The following TP63 variants were observed in gnomAD, a reference collection of about 807,000 sequenced individuals.
The protein encoded by TP63 is tumor protein 63.
TP63 carries 17 observed loss-of-function variants against 82.8 expected under a neutral mutation model. That is an observed-to-expected ratio of 0.21 (90% confidence interval 0.14 to 0.31). TP63 has a LOEUF of 0.31. Ranked by LOEUF, TP63 falls within the 10% of genes least tolerant of loss-of-function variation. TP63 has a pLI of 1.00. For synonymous variants in TP63, 330 were observed against 321.7 expected (o/e 1.03, Z -0.28); for missense variants, 648 against 895.3 (o/e 0.72, Z 3.52).
chr3:189,739,823 G>A (rs1245074008), intron 3 of TP63, among the ~76,000 whole-genome samples: 8 of 147,856 alleles, frequency 5.4e-5, no homozygotes, highest in Non-Finnish European at 3.0e-5. Context: ...TACGGCACAA[G>A]TCCTGCTATC....
At chr3:189,710,041 C>A (rs999321719) in intron 1 of TP63, among the ~76,000 whole-genome samples, 1 of 152,022 alleles carries the variant, frequency 6.6e-6, no homozygotes, top group African/African-American at 2.4e-5. Flanking sequence ...TGTGTAATGT[C>A]AAGTACTTAT....
intron 3 of TP63, among the ~76,000 whole-genome samples, chr3:189,755,267 AG>A (rs773018452): frequency 6.6e-6 from 1 of 152,164 alleles, no homozygotes; most frequent in Non-Finnish European, 1.5e-5. Flanking sequence ...TCTGTGAGGA[AG>A]GTAAATATGT....
the TP63 span, among the ~76,000 whole-genome samples, chr3:189,625,278 A>G: frequency 2.0e-5 from 3 of 152,168 alleles, no homozygotes; most frequent in Non-Finnish European, 4.4e-5. Flanking sequence ...AAAGAGAGCA[A>G]TTCCTGATAT....
chr3:189,733,335 A>C (rs1027004519), intron 1 of TP63, among the ~76,000 whole-genome samples: 1 of 152,150 alleles, frequency 6.6e-6, no homozygotes, highest in Non-Finnish European at 1.5e-5. Context: ...CTTGGTCTTT[A>C]TTATTGAAGA....
rs536262441 is a variant in TP63 at position 189,793,583 on chromosome 3, T to A, written c.325-14689T>A. ...TACCACAAATACACCCTGGTTTTCT[T>A]TGATGTGCATATGATTGCTCTGGGT... On this transcript the variant is annotated intron_variant, in intron 3 of 13. Transcript: ENST00000264731. Among the ~76,000 whole-genome samples, 21 of 152,046 alleles carry A rather than the reference T, an allele frequency of 1.4e-4. 1 individual carries two copies. Among genetic ancestry groups the A allele is most frequent in the Non-Finnish European group, 2.5e-4 (17 of 67,988 alleles).
chr3:189,631,178 A>T, upstream of TP63: 3 of 930,818 alleles, frequency 3.2e-6, no homozygotes, highest in Non-Finnish European at 3.8e-6. Flanking sequence ...AGATGCCTCC[A>T]GCTCCAAATT....
intron 1 of TP63, among the ~76,000 whole-genome samples, chr3:189,701,775 C>T (rs1717829971): frequency 6.6e-6 from 1 of 151,872 alleles, no homozygotes; most frequent in Admixed American, 6.6e-5. Context: ...GGATTGATTC[C>T]TCACTGTCTC....
At chr3:189,804,010 G>A (rs1406303637) in intron 3 of TP63, among the ~76,000 whole-genome samples, 2 of 152,144 alleles carry the variant, frequency 1.3e-5, no homozygotes, top group Admixed American at 1.3e-4. Flanking sequence ...TTTAGAAAGG[G>A]AGAACCTGCT....
At chr3:189,651,808 G>A (rs1427131785) in intron 1 of TP63, among the ~76,000 whole-genome samples, 1 of 146,890 alleles carries the variant, frequency 6.8e-6, no homozygotes, top group Non-Finnish European at 1.5e-5. Flanking sequence ...ATGGTGCTCT[G>A]CGTCCCAGAT....
the TP63 span, among the ~76,000 whole-genome samples, chr3:189,601,244 C>G: frequency 6.6e-6 from 1 of 152,130 alleles, no homozygotes; most frequent in Non-Finnish European, 1.5e-5. Context: ...GGAGAGGGAA[C>G]TTTAAAGCTT....
At chr3:189,857,355 C>G (rs997368137) in intron 4 of TP63, among the ~76,000 whole-genome samples, 1 of 152,138 alleles carries the variant, frequency 6.6e-6, no homozygotes, top group African/African-American at 2.4e-5. Flanking sequence ...AAACCCTTAA[C>G]TCACACCATA....
chr3:189,827,201 C>A (rs140299472), intron 4 of TP63, among the ~76,000 whole-genome samples: 1 of 152,190 alleles, frequency 6.6e-6, no homozygotes, highest in African/African-American at 2.4e-5. Context: ...AACTGATAAA[C>A]CTAGTTGTAA....
chr3:189,763,287 TA>T (rs1357914530), intron 3 of TP63, among the ~76,000 whole-genome samples: 4 of 151,982 alleles, frequency 2.6e-5, no homozygotes, highest in Admixed American at 2.6e-4. Flanking sequence ...AAAATAATAA[TA>T]AAAAAGGAGG....
intron 10 of TP63, among the ~76,000 whole-genome samples, chr3:189,878,458 G>A (rs1013062342): frequency 6.9e-6 from 1 of 144,114 alleles, no homozygotes; most frequent in Non-Finnish European, 1.5e-5. Context: ...GCATGATCTC[G>A]GCTCACTGAA....
At chr3:189,761,741 A>G (rs970519454) in intron 3 of TP63, among the ~76,000 whole-genome samples, 3 of 152,240 alleles carry the variant, frequency 2.0e-5, no homozygotes, top group African/African-American at 4.8e-5. Context: ...TACACTACTG[A>G]TATAGACATA....
At chr3:189,721,355 A>G (rs1719377956) in intron 1 of TP63, among the ~76,000 whole-genome samples, 1 of 152,216 alleles carries the variant, frequency 6.6e-6, no homozygotes, top group African/African-American at 2.4e-5. Flanking sequence ...TTTTCTAGTA[A>G]TACAATAACC....
chr3:189,685,188 A>G (rs935787106), intron 1 of TP63, among the ~76,000 whole-genome samples: 1 of 152,200 alleles, frequency 6.6e-6, no homozygotes, highest in Admixed American at 6.5e-5. Context: ...AAGTACTTCA[A>G]AAAGGAGGAG....
intron 1 of TP63, among the ~76,000 whole-genome samples, chr3:189,726,832 A>G (rs950192802): frequency 6.6e-6 from 1 of 152,230 alleles, no homozygotes; most frequent in Non-Finnish European, 1.5e-5. Flanking sequence ...TCAAACTGCA[A>G]TTTATTTTAA....
At chr3:189,760,261 CAGTCT>C (rs1249935591) in intron 3 of TP63, among the ~76,000 whole-genome samples, 1 of 152,196 alleles carries the variant, frequency 6.6e-6, no homozygotes, top group Non-Finnish European at 1.5e-5. Context: ...CAGAAGTCCC[CAGTCT>C]AAAGTTTCTT....
Sources: allele counts gnomAD v4.1 joint callset (sites outside exome capture counted in the v4.1 genomes callset), GRCh38; gene constraint gnomAD v4.1.1; transcripts MANE v1.5; gene names NCBI Gene and HGNC (gene_info 2026-07-23, HGNC 2026-07-21).